Variants in FRMPD1 observed in about 807,000 individuals in gnomAD.
FRMPD1 encodes the protein FERM and PDZ domain-containing protein 1.
A neutral mutation model predicts 117.8 loss-of-function variants in FRMPD1; 76 were observed. The observed-to-expected ratio is 0.65, with a 90% CI of 0.54 to 0.78. The LOEUF is 0.78. FRMPD1 is among the 30% of genes least tolerant of loss of function. The probability of loss-of-function intolerance (pLI) is 0.00; values close to 1 mark genes in which losing one functional copy is unlikely to be tolerated. For missense variants in FRMPD1, 1,786 were observed against 1,964.5 expected, an observed-to-expected ratio of 0.91 and a Z score of 1.72; for synonymous variants, 783 against 770.4, an observed-to-expected ratio of 1.02 and a Z score of -0.27.
At chr9:37,607,350 A>G in the FRMPD1 span, among the ~76,000 whole-genome samples, 2 of 152,164 alleles carry the variant, frequency 1.3e-5, no homozygotes, top group African/African-American at 4.8e-5. Context: ...ATCCGGGGAA[A>G]GGAATGAAAG....
At chr9:37,698,206 C>G (rs1400500228) in intron 2 of FRMPD1, among the ~76,000 whole-genome samples, 1 of 152,192 alleles carries the variant, frequency 6.6e-6, no homozygotes, top group African/African-American at 2.4e-5. Context: ...AAATCTTCAT[C>G]CAATACAAGT....
chr9:37,616,824 C>A, the FRMPD1 span, among the ~76,000 whole-genome samples: 1 of 152,106 alleles, frequency 6.6e-6, no homozygotes, highest in South Asian at 2.1e-4. Context: ...GGAGCAAAGA[C>A]CAAATTATAG....
chr9:37,712,716 T>C (rs1421010339), intron 5 of FRMPD1, among the ~76,000 whole-genome samples: 1 of 152,198 alleles, frequency 6.6e-6, no homozygotes, highest in East Asian at 1.9e-4. Context: ...GTAAAATTCA[T>C]GGCCTTGAGT....
rs150458691 is a variant in FRMPD1, at chr9:37,707,451, A to T, written c.137A>T (p.Asn46Ile). 2.6e-4 allele frequency: 414 copies of T among 1,613,800 alleles called. No individual in the cohort carries two copies. The highest frequency in any genetic ancestry group is 3.3e-4 in the Non-Finnish European group (393 of 1,179,966). ...GCTGCAGCTGATGGGCCCGCCAGGA[A>T]CCCAACTCAGACCCTCATCCCTGTG... ...KVAAADGPAR[N>I]PTQTLIPVRH... is the part of the protein sequence containing the mutation. The change falls in exon 3 of 16, where the codon AAC becomes ATC. Residue 46 changes from asparagine to isoleucine, a missense_variant. Physicochemically the swap from Asn to Ile is moderately radical, Grantham distance 149. Transcript: ENST00000377765.
intron 1 of FRMPD1, among the ~76,000 whole-genome samples, chr9:37,680,266 A>C (rs1821680337): frequency 6.6e-6 from 1 of 152,186 alleles, no homozygotes; most frequent in South Asian, 2.1e-4. Flanking sequence ...GAGGGGCATG[A>C]CGATGCCCTG....
At chr9:37,716,648 C>A (rs1275169610) in intron 5 of FRMPD1, among the ~76,000 whole-genome samples, 1 of 152,162 alleles carries the variant, frequency 6.6e-6, no homozygotes, top group Non-Finnish European at 1.5e-5. Context: ...CTGTTCTGCC[C>A]CTGATTTTTT....
chr9:37,656,451 T>TA (rs1269048217), intron 1 of FRMPD1, among the ~76,000 whole-genome samples: 5 of 152,216 alleles, frequency 3.3e-5, no homozygotes, highest in Admixed American at 2.0e-4. Flanking sequence ...CTTTATATTA[T>TA]AAAAGCGTTC....
chr9:37,720,526 G>A lies in FRMPD1; in HGVS notation c.516+1350G>A, dbSNP rs535966394. On this transcript the variant is annotated intron_variant, in intron 6 of 15. Transcript: ENST00000377765. ...AAAAAATACAAAAAATTAGCCGGGCGTGGTGGTGGGCACCTGTATGTAGTC... is the reference window on the plus strand; with the variant it reads ...AAAAAATACAAAAAATTAGCCGGGCATGGTGGTGGGCACCTGTATGTAGTC... Among the ~76,000 whole-genome samples, 149 of 152,288 alleles carry A rather than the reference G, an allele frequency of 9.8e-4. 1 individual carries two copies. Among genetic ancestry groups the A allele is most frequent in the African/African-American group, 3.0e-3 (123 of 41,556 alleles).
chr9:37,746,682 T>C lies in FRMPD1; in HGVS notation c.4650T>C (p.Ser1550=). The C allele has an allele frequency of 6.2e-7, 1 of 1,614,046 alleles. No homozygotes were observed. The change falls in exon 16 of 16, where the codon AGT becomes AGC. Residue 1550 remains serine (S), a synonymous_variant. Coordinates refer to ENST00000377765, the MANE Select transcript of FRMPD1 (RefSeq NM_014907.3). ...STCERGYHDL[S]VKLLARQCTA... is the part of the protein sequence containing the mutation. ...GCGAGAGAGGCTACCACGACCTGAGTGTGAAACTCCTGGCCCGTCAGTGCA... is the reference window on the plus strand; with the variant it reads ...GCGAGAGAGGCTACCACGACCTGAGCGTGAAACTCCTGGCCCGTCAGTGCA...
At chr9:37,696,538 C>T (rs1822330840) in intron 2 of FRMPD1, among the ~76,000 whole-genome samples, 1 of 152,122 alleles carries the variant, frequency 6.6e-6, no homozygotes, top group Admixed American at 6.5e-5. Flanking sequence ...AATGCACATC[C>T]CTCCTTCTTC....
intron 1 of FRMPD1, chr9:37,661,846 C>T (rs964154391): frequency 1.3e-5 from 2 of 152,396 alleles, no homozygotes; most frequent in African/African-American, 2.4e-5. Flanking sequence ...CAGGGGAGCA[C>T]AGCTACTCGT....
At chr9:37,677,828 G>A (rs1367812016) in intron 1 of FRMPD1, among the ~76,000 whole-genome samples, 1 of 152,204 alleles carries the variant, frequency 6.6e-6, no homozygotes, top group African/African-American at 2.4e-5. Flanking sequence ...CACATTGCTA[G>A]CAGATCACTT....
upstream of FRMPD1, among the ~76,000 whole-genome samples, chr9:37,647,620 T>G (rs1286054761): frequency 6.6e-6 from 1 of 152,200 alleles, no homozygotes; most frequent in African/African-American, 2.4e-5. Context: ...AATAAATATT[T>G]ATGGGATTAT....
chr9:37,707,372 TAG>T (rs760048460), intron 2 of FRMPD1, 42 bp from the exon 3 acceptor site: 2 of 1,579,132 alleles, frequency 1.3e-6, no homozygotes, highest in East Asian at 2.2e-5. Flanking sequence ...GACCAACAAC[TAG>T]AGTCTTCTCT....
rs200633175 is a variant in FRMPD1, at chr9:37,735,670, G to A, written c.1337G>A (p.Arg446His). The change falls in exon 13 of 16, where the codon CGT (arginine) becomes CAT (histidine). Residue 446 changes from arginine to histidine, a missense_variant. Transcript: ENST00000377765. ...TTGGCAGAGTTTGCAAACATCAGCCGTGTAGAGCTAACGGAAGAGTCTGAG... is the reference window on the plus strand; with the variant it reads ...TTGGCAGAGTTTGCAAACATCAGCCATGTAGAGCTAACGGAAGAGTCTGAG... ...STLAEFANISRVELTEESEKV... is the reference protein window; with the variant it reads ...STLAEFANISHVELTEESEKV... The A allele has an allele frequency of 1.9e-5, 31 of 1,613,848 alleles. No homozygotes were observed. Among genetic ancestry groups the A allele is most frequent in the Admixed American group, 6.7e-5 (4 of 59,996 alleles).
At chr9:37,689,691 T>C (rs1302171774) in intron 1 of FRMPD1, among the ~76,000 whole-genome samples, 1 of 152,202 alleles carries the variant, frequency 6.6e-6, no homozygotes, top group African/African-American at 2.4e-5. Context: ...ACATCCTCTG[T>C]CAGCATCCTG....
At position 37,740,306 on chromosome 9, in the gene FRMPD1, C is replaced by G. The variant is rs377088859; in HGVS notation, c.1778C>G (p.Ala593Gly). The G allele has an allele frequency of 1.2e-6, 2 of 1,613,820 alleles. No homozygotes were observed. Among genetic ancestry groups the G allele is most frequent in the Non-Finnish European group, 1.7e-6 (2 of 1,179,934 alleles). ...DSAESEASDS[A>G]NTESRGYRTS... ...GCCGAGTCCGAGGCGTCCGACTCAG[C>G]CAACACTGAGAGCCGCGGCTACAGG... Residue 593 changes from alanine (A) to glycine (G), a missense_variant, in exon 15 of 16, where the codon GCC (alanine) becomes GGC (glycine). Ala to Gly is a moderately conservative substitution (Grantham distance 60). Coordinates refer to ENST00000377765, the MANE Select transcript of FRMPD1 (RefSeq NM_014907.3). This position sits in a 1 kb window ranked among gnomAD's most constrained non-coding sequence, Gnocchi z 4.2.
At chr9:37,695,022 GATA>G (rs2118051638) in intron 2 of FRMPD1, among the ~76,000 whole-genome samples, 1 of 152,180 alleles carries the variant, frequency 6.6e-6, no homozygotes, top group South Asian at 2.1e-4. Context: ...TAGATAGATA[GATA>G]GATAGATAGA....
upstream of FRMPD1, among the ~76,000 whole-genome samples, chr9:37,648,165 G>GA (rs11393944): frequency 0.59 from 89,925 of 151,930 alleles, 27,602 homozygotes; most frequent in African/African-American, 0.75. Context: ...CTTTGCAAAG[G>GA]AAAAAAACCA....
Sources: allele counts gnomAD v4.1 joint callset (sites outside exome capture counted in the v4.1 genomes callset), GRCh38; gene constraint gnomAD v4.1.1; non-coding constraint Gnocchi (gnomAD v3.1); transcripts MANE v1.5; gene names NCBI Gene and HGNC (gene_info 2026-07-23, HGNC 2026-07-21).